The following XIRP2 variants were observed in gnomAD, a reference collection of about 807,000 sequenced individuals.
XIRP2 encodes the protein xin actin binding repeat containing 2, also known as xin actin-binding repeat-containing protein 2.
A neutral mutation model predicts 277.0 loss-of-function variants in XIRP2; 236 were observed. That is an observed-to-expected ratio of 0.85 (90% CI 0.77 to 0.95). The LOEUF (loss-of-function observed/expected upper bound fraction) is 0.95, where lower values mean the gene tolerates loss of function less well. Ranked by LOEUF, XIRP2 falls within the 40% of genes least tolerant of loss-of-function variation. XIRP2 has a pLI of 0.00. For missense variants in XIRP2, 4,640 were observed against 4,157.5 expected (o/e 1.12, Z -3.19); for synonymous variants, 1,490 against 1,416.5 (o/e 1.05, Z -1.17).
chr2:166,943,776 A>G (rs561015483), intron 2 of XIRP2, among the ~76,000 whole-genome samples: 1 of 152,314 alleles, frequency 6.6e-6, no homozygotes, highest in African/African-American at 2.4e-5. Flanking sequence ...CTTCCTTTTC[A>G]CTTTTTCACC....
Position 167,245,194 on chromosome 2 carries a change from C to A in XIRP2, c.3802C>A (p.Gln1268Lys). 1 of 1,613,520 alleles carries A rather than the reference C, an allele frequency of 6.2e-7. No homozygotes were observed. Among genetic ancestry groups the A allele is most frequent in the Non-Finnish European group, 8.5e-7 (1 of 1,179,676 alleles). Residue 1268 changes from glutamine to lysine, a missense_variant, in exon 9 of 11, where the codon CAA (glutamine) becomes AAA (lysine). Gln to Lys is a moderately conservative substitution (Grantham distance 53). Transcript: ENST00000409195. ...DECVKTVTDIQGGDVRKGCFI... is the reference protein window; with the variant it reads ...DECVKTVTDIKGGDVRKGCFI... ...ATGTGTTAAGACGGTGACAGACATA[C>A]AAGGTGGGGATGTAAGAAAGGGGTG...
At chr2:166,957,487 A>G (rs1004169967) in intron 2 of XIRP2, among the ~76,000 whole-genome samples, 3 of 151,950 alleles carry the variant, frequency 2.0e-5, no homozygotes, top group African/African-American at 7.2e-5. Flanking sequence ...ATGGACTAAC[A>G]TAAGGGCTTA....
chr2:166,915,094 G>A (rs966823380), intron 2 of XIRP2, among the ~76,000 whole-genome samples: 2 of 151,606 alleles, frequency 1.3e-5, no homozygotes, highest in Admixed American at 1.3e-4. Flanking sequence ...TCAGGAGATC[G>A]AGACCATCCT....
At chr2:167,171,605 C>A (rs1359775428) in intron 3 of XIRP2, among the ~76,000 whole-genome samples, 2 of 152,184 alleles carry the variant, frequency 1.3e-5, no homozygotes, top group African/African-American at 2.4e-5. Flanking sequence ...AAGTTTTCTA[C>A]ATATTCACCG....
intron 2 of XIRP2, among the ~76,000 whole-genome samples, chr2:167,022,811 T>C (rs1201092812): frequency 3.9e-5 from 6 of 152,178 alleles, no homozygotes; most frequent in Admixed American, 3.3e-4. Context: ...AGTATTCTAT[T>C]CCATGGTGTA....
At chr2:167,125,141 A>T (rs1023777052) in intron 2 of XIRP2, among the ~76,000 whole-genome samples, 3 of 152,186 alleles carry the variant, frequency 2.0e-5, no homozygotes, top group Non-Finnish European at 4.4e-5. Flanking sequence ...TGTGACGATC[A>T]TTATAATTTC....
At chr2:166,997,072 T>C (rs1687241393) in intron 2 of XIRP2, among the ~76,000 whole-genome samples, 1 of 152,180 alleles carries the variant, frequency 6.6e-6, no homozygotes, top group Admixed American at 6.5e-5. Context: ...AAGGAGGACG[T>C]CTACTGGACC....
chr2:166,929,309 A>G (rs1388169206), intron 2 of XIRP2, among the ~76,000 whole-genome samples: 1 of 152,124 alleles, frequency 6.6e-6, no homozygotes, highest in Non-Finnish European at 1.5e-5. Flanking sequence ...CCTTAATAAT[A>G]TAGTGTGTTG....
At chr2:167,185,130 T>C (rs1693120485) in intron 3 of XIRP2, among the ~76,000 whole-genome samples, 1 of 152,186 alleles carries the variant, frequency 6.6e-6, no homozygotes, top group Non-Finnish European at 1.5e-5. Context: ...GATGTTTTCA[T>C]TGTCTTCATG....
intron 10 of XIRP2, 81 bp from the exon 11 acceptor site, chr2:167,257,776 C>G: frequency 2.1e-6 from 3 of 1,402,754 alleles, no homozygotes; most frequent in Non-Finnish European, 2.9e-6. Context: ...TAGTCTGTAA[C>G]TCATTGAAAT....
At chr2:166,975,581 T>C (rs1198187982) in intron 2 of XIRP2, among the ~76,000 whole-genome samples, 3 of 152,182 alleles carry the variant, frequency 2.0e-5, no homozygotes, top group African/African-American at 4.8e-5. Context: ...TCTGGAGTTA[T>C]ATGAATGTCC....
intron 2 of XIRP2, among the ~76,000 whole-genome samples, chr2:166,937,802 C>T (rs1345023210): frequency 6.6e-6 from 1 of 152,162 alleles, no homozygotes. Context: ...AGAGATTCAA[C>T]TTATTCCTGG....
At chr2:167,152,009 G>C (rs979269090) in intron 3 of XIRP2, among the ~76,000 whole-genome samples, 3 of 152,066 alleles carry the variant, frequency 2.0e-5, no homozygotes, top group Admixed American at 6.6e-5. Context: ...TGCCAAATTT[G>C]TGACTCAACT....
chr2:167,017,946 A>T (rs1320655079), intron 2 of XIRP2, among the ~76,000 whole-genome samples: 4 of 152,008 alleles, frequency 2.6e-5, no homozygotes, highest in African/African-American at 9.7e-5. Flanking sequence ...ACATCTCTTG[A>T]GTTCAATGAA....
At chr2:167,184,167 T>G (rs559548822) in intron 3 of XIRP2, among the ~76,000 whole-genome samples, 1 of 152,312 alleles carries the variant, frequency 6.6e-6, no homozygotes, top group African/African-American at 2.4e-5. Flanking sequence ...CTGGTTCATC[T>G]GTCTCCCATC....
intron 3 of XIRP2, among the ~76,000 whole-genome samples, chr2:167,180,924 A>G (rs1320520391): frequency 6.6e-6 from 1 of 152,174 alleles, no homozygotes; most frequent in African/African-American, 2.4e-5. Flanking sequence ...AAAATCTTGA[A>G]TTACTGATAC....
rs540842225 is a variant in XIRP2 at position 167,244,388 on chromosome 2, A to G, written c.2996A>G (p.His999Arg). 2 of 1,613,554 alleles carry G rather than the reference A, an allele frequency of 1.2e-6. No individual in the cohort carries two copies. Among genetic ancestry groups the G allele is most frequent in the Admixed American group, 1.7e-5 (1 of 59,954 alleles). The change falls in exon 9 of 11, where the codon CAT becomes CGT. Residue 999 changes from histidine to arginine, a missense_variant. Physicochemically the swap from His to Arg is conservative, Grantham distance 29. Transcript: ENST00000409195. ...YAIQDPLGKY[H>R]QVKTVQQEEI... ...ATTCAAGATCCCCTTGGAAAATATC[A>G]TCAAGTAAAGACAGTCCAGCAAGAA...
intron 2 of XIRP2, among the ~76,000 whole-genome samples, chr2:167,109,540 C>T (rs1690697485): frequency 6.6e-6 from 1 of 152,230 alleles, no homozygotes; most frequent in East Asian, 1.9e-4. Context: ...CTTGGCCTCC[C>T]AAAGTCCTGG....
intron 2 of XIRP2, among the ~76,000 whole-genome samples, chr2:167,086,401 G>T (rs1689944733): frequency 6.6e-6 from 1 of 152,072 alleles, no homozygotes. Flanking sequence ...CGACTTTGGT[G>T]AATCTGACAA....
Sources: allele counts gnomAD v4.1 joint callset (sites outside exome capture counted in the v4.1 genomes callset), GRCh38; gene constraint gnomAD v4.1.1; transcripts MANE v1.5; gene names NCBI Gene and HGNC (gene_info 2026-07-23, HGNC 2026-07-21).